RAB1B: variants seen among roughly 807,000 people sequenced by gnomAD.
The protein encoded by RAB1B is ras-related protein Rab-1B.
Under a neutral mutation model 24.8 loss-of-function variants are expected in RAB1B, and 10 were observed. The ratio of observed to expected loss-of-function variants is 0.40; its 90% CI spans 0.25 to 0.68. The LOEUF (loss-of-function observed/expected upper bound fraction) is 0.68, where lower values mean the gene tolerates loss of function less well. Ranked by LOEUF, RAB1B falls within the 30% of genes least tolerant of loss-of-function variation. RAB1B has a pLI of 0.37. For missense variants in RAB1B, 154 were observed against 271.2 expected (o/e 0.57, Z 3.04); for synonymous variants, 99 against 111.7 (o/e 0.89, Z 0.72).
At chr11:66,268,782 G>A (rs1353751459) in intron 1 of RAB1B, 89 bp downstream of exon 1, 50 of 1,328,930 alleles carry the variant, frequency 3.8e-5, no homozygotes, top group Non-Finnish European at 4.5e-5. Flanking sequence ...CCCGGGTCAG[G>A]ACTGTGCGGC....
At chr11:66,273,554 C>G (rs1249737202) in intron 4 of RAB1B, among the ~76,000 whole-genome samples, 1 of 152,236 alleles carries the variant, frequency 6.6e-6, no homozygotes, top group Non-Finnish European at 1.5e-5. Context: ...TCCCATCACC[C>G]TGTGTTTGGT....
chr11:66,275,139 G>C (rs1471762798), intron 4 of RAB1B, among the ~76,000 whole-genome samples: 1 of 152,206 alleles, frequency 6.6e-6, no homozygotes, highest in South Asian at 2.1e-4. Flanking sequence ...GTCTAAGTTT[G>C]AGCCAGTGTG....
At chr11:66,269,129 T>C (rs527692807) in intron 1 of RAB1B, among the ~76,000 whole-genome samples, 8 of 152,218 alleles carry the variant, frequency 5.3e-5, no homozygotes, top group Non-Finnish European at 1.2e-4. Flanking sequence ...TACCCTTCTC[T>C]TTCTCCTGAA....
In RAB1B at chr11:66,276,053, G is replaced by T; in HGVS notation, c.421G>T (p.Asp141Tyr). ...TCCTCTCCCTTGTCAGGAGTTTGCA[G>T]ACTCTCTGGGCATCCCCTTCTTGGA... Reference protein sequence around the residue: ...VDNTTAKEFADSLGIPFLETS... With the variant: ...VDNTTAKEFAYSLGIPFLETS... Residue 141 changes from aspartate (D) to tyrosine (Y), a missense_variant, in exon 6 of 6, where the codon GAC (aspartate) becomes TAC (tyrosine). Asp to Tyr is a radical substitution (Grantham distance 160). Around this residue, in one of 2 missense-constraint regions of RAB1B, gnomAD observed 77 missense variants for 97.8 expected, o/e 0.79. Transcript: ENST00000311481. 1 of 1,613,060 alleles carries T rather than the reference G, an allele frequency of 6.2e-7. No individual in the cohort carries two copies. The highest frequency in any genetic ancestry group is 2.2e-5 in the East Asian group (1 of 44,856).
intron 1 of RAB1B, chr11:66,270,024 A>G (rs1857028711): frequency 6.6e-6 from 1 of 152,102 alleles, no homozygotes; most frequent in Admixed American, 6.6e-5. Flanking sequence ...ACAGAGGCAC[A>G]CCACCACACC....
chr11:66,268,744 G>T, intron 1 of RAB1B, 51 bp downstream of exon 1: 1 of 1,529,076 alleles, frequency 6.5e-7, no homozygotes, highest in Non-Finnish European at 8.8e-7. Flanking sequence ...CCCGAATACA[G>T]GGCTGTACGC....
intron 2 of RAB1B, 140 bp from the exon 3 acceptor site, chr11:66,272,017 G>C (rs1857068300): frequency 1.1e-6 from 1 of 948,630 alleles, no homozygotes; most frequent in African/African-American, 1.6e-5. Flanking sequence ...CCCTGAACAA[G>C]ACAGGGCTGG....
intron 1 of RAB1B, chr11:66,271,572 A>C (rs1359558064): frequency 2.7e-6 from 1 of 364,244 alleles, no homozygotes; most frequent in Admixed American, 4.3e-5. Context: ...CAGGAAGCTG[A>C]GGTGGGAAGA....
chr11:66,277,209 T>G lies in RAB1B; in HGVS notation c.*971T>G, dbSNP rs528200348. 1 of 152,970 alleles carries G rather than the reference T, an allele frequency of 6.5e-6. No homozygotes were observed. The highest frequency in any genetic ancestry group is 1.5e-5 in the Non-Finnish European group (1 of 68,156). The allele number at this position is 152,970 out of a possible 1,614,324, so 9.5% of individuals were successfully genotyped here. A position where few individuals can be genotyped will look rare whatever the true frequency, so the allele number is the denominator to read the frequency against. On this transcript the variant is annotated 3_prime_UTR_variant, in exon 6 of 6. Coordinates refer to ENST00000311481, the MANE Select transcript of RAB1B (RefSeq NM_030981.3). ...CTCTGCACCCAGGATCCTAGTCCCC[T>G]GCCCTCTGGCACAGCTGCTTCCTGC...
At chr11:66,274,932 G>A (rs1857118045) in intron 4 of RAB1B, among the ~76,000 whole-genome samples, 1 of 151,980 alleles carries the variant, frequency 6.6e-6, no homozygotes, top group African/African-American at 2.4e-5. Context: ...TGCAGGCTTA[G>A]GTCCACTGTT....
intron 4 of RAB1B, among the ~76,000 whole-genome samples, chr11:66,274,779 C>T (rs1857115416): frequency 7.8e-6 from 1 of 127,630 alleles, no homozygotes; most frequent in African/African-American, 2.9e-5. Context: ...CCCTCCCTGT[C>T]CCCCCTCCCT....
Position 66,268,662 on chromosome 11 carries a change from C to T in RAB1B, c.-18C>T, listed in dbSNP as rs1402820202. On this transcript the variant is annotated 5_prime_UTR_variant, in exon 1 of 6. Transcript: ENST00000311481. Reference sequence around the variant, plus strand: ...GCAGAGTCGACTGGGAGCGACCGAGCGGGCCGCCGCCGCCGCCATGAACCC... The same window carrying T: ...GCAGAGTCGACTGGGAGCGACCGAGTGGGCCGCCGCCGCCGCCATGAACCC... 8 of 1,560,890 alleles carry T rather than the reference C, an allele frequency of 5.1e-6. No individual in the cohort carries two copies. Among genetic ancestry groups the T allele is most frequent in the Non-Finnish European group, 6.9e-6 (8 of 1,155,284 alleles).
At position 66,276,509 on chromosome 11, in the gene RAB1B, C is replaced by T; in HGVS notation, c.*271C>T. On this transcript the variant is annotated 3_prime_UTR_variant, in exon 6 of 6. Coordinates refer to ENST00000311481, the MANE Select transcript of RAB1B (RefSeq NM_030981.3). ...CTAGGTGACTTTCCAAGATGCCCCC[C>T]TACACACCTTTCTTTGGAACGAGGG... is the stretch of plus-strand genomic sequence containing the variant. 2.2e-6 allele frequency: 1 copy of T among 448,864 alleles called. No individual in the cohort carries two copies. The highest frequency in any genetic ancestry group is 3.9e-6 in the Non-Finnish European group (1 of 254,148). 27.8% of individuals were successfully genotyped at this position (448,864 alleles called of 1,614,324 possible).
chr11:66,276,110 C>G lies in RAB1B; in HGVS notation c.478C>G (p.Gln160Glu), dbSNP rs1224225107. 1 of 1,613,962 alleles carries G rather than the reference C, an allele frequency of 6.2e-7. No homozygotes were observed. Among genetic ancestry groups the G allele is most frequent in the Admixed American group, 1.7e-5 (1 of 59,970 alleles). The change falls in exon 6 of 6, where the codon CAG becomes GAG. Residue 160 changes from glutamine (Q) to glutamate (E), a missense_variant. This residue lies in a region of RAB1B where 77 missense variants were observed against 97.8 expected (regional missense o/e 0.79). Coordinates refer to ENST00000311481, the MANE Select transcript of RAB1B (RefSeq NM_030981.3). Reference sequence around the variant, plus strand: ...CGCCAAGAATGCCACCAATGTCGAGCAGGCGTTCATGACCATGGCTGCTGA... The same window carrying G: ...CGCCAAGAATGCCACCAATGTCGAGGAGGCGTTCATGACCATGGCTGCTGA... ...TSAKNATNVE[Q>E]AFMTMAAEIK...
At chr11:66,272,318 G>C (rs759670226) in intron 3 of RAB1B, 47 bp from the exon 4 acceptor site, 46 of 1,603,370 alleles carry the variant, frequency 2.9e-5, no homozygotes, top group Non-Finnish European at 3.7e-5. Flanking sequence ...AGGGACTCTG[G>C]GACTCTGGAC....
Position 66,275,817 on chromosome 11 carries a change from A to G in RAB1B, c.293A>G (p.Asn98Ser), listed in dbSNP as rs768987937. 24 of 1,584,868 alleles carry G rather than the reference A, an allele frequency of 1.5e-5. No individual in the cohort carries two copies. The highest frequency in any genetic ancestry group is 4.6e-5 in the East Asian group (2 of 43,928). The stretch of plus-strand genomic sequence containing the variant: ...GGCCCCCTTTAGGAATCCTACGCCA[A>G]CGTGAAGCAGTGGCTGCAGGAGATT... Reference protein sequence around the residue: ...YDVTDQESYANVKQWLQEIDR... With the variant: ...YDVTDQESYASVKQWLQEIDR... The change falls in exon 5 of 6, where the codon AAC (asparagine) becomes AGC (serine). Residue 98 changes from asparagine to serine, a missense_variant. Asn to Ser is a conservative substitution (Grantham distance 46, BLOSUM62 1). Around this residue, in one of 2 missense-constraint regions of RAB1B, gnomAD observed 77 missense variants for 173.4 expected, o/e 0.44. Coordinates refer to ENST00000311481, the MANE Select transcript of RAB1B (RefSeq NM_030981.3).
At position 66,276,221 on chromosome 11, in the gene RAB1B, G is replaced by A; in HGVS notation, c.589G>A (p.Gly197Ser). ...CGACAGCACCCCTGTAAAGCCGGCT[G>A]GCGGTGGCTGTTGCTAGGAGGGGCA... ...KIDSTPVKPA[G>S]GGCC The change falls in exon 6 of 6, where the codon GGC becomes AGC. Residue 197 changes from glycine to serine, a missense_variant. Coordinates refer to ENST00000311481, the MANE Select transcript of RAB1B (RefSeq NM_030981.3). 2 of 1,592,032 alleles carry A rather than the reference G, an allele frequency of 1.3e-6. No homozygotes were observed. Among genetic ancestry groups the A allele is most frequent in the Non-Finnish European group, 1.7e-6 (2 of 1,172,302 alleles).
chr11:66,276,466 C>A lies in RAB1B; in HGVS notation c.*228C>A, dbSNP rs910338790. ...GGCCTGTGGCCAGGCAGGGCGGAGG[C>A]CTGCTGTGCTGTTGCCTCTAGGTGA... On this transcript the variant is annotated 3_prime_UTR_variant, in exon 6 of 6. Transcript: ENST00000311481. 7 of 525,248 alleles carry A rather than the reference C, an allele frequency of 1.3e-5. No individual in the cohort carries two copies. Among genetic ancestry groups the A allele is most frequent in the Non-Finnish European group, 2.3e-5 (7 of 302,446 alleles). 32.5% of individuals were successfully genotyped at this position (525,248 alleles called of 1,614,324 possible). A position where few individuals can be genotyped will look rare whatever the true frequency, so the allele number is the denominator to read the frequency against.
At position 66,271,883 on chromosome 11, in the gene RAB1B, C is replaced by T. The variant is rs1366693218; in HGVS notation, c.87+14C>T. 4.4e-6 allele frequency: 7 copies of T among 1,608,760 alleles called. No individual in the cohort carries two copies. The highest frequency in any genetic ancestry group is 1.3e-5 in the African/African-American group (1 of 74,764). On this transcript the variant is annotated intron_variant, in intron 2 of 5. Coordinates refer to ENST00000311481, the MANE Select transcript of RAB1B (RefSeq NM_030981.3). ...CTGCGGTTTGCTGTGAGTAAGAAGC[C>T]TCCCATACCATCCACCTGGGGTCCT...
Sources: allele counts gnomAD v4.1 joint callset (sites outside exome capture counted in the v4.1 genomes callset), GRCh38; gene constraint gnomAD v4.1.1; regional missense constraint gnomAD v4.1.1; transcripts MANE v1.5; gene names NCBI Gene and HGNC (gene_info 2026-07-23, HGNC 2026-07-21).